The following LRFN2 variants were observed in gnomAD, a reference collection of about 807,000 sequenced individuals.
LRFN2 encodes leucine-rich repeat and fibronectin type-III domain-containing protein 2.
A neutral mutation model predicts 37.3 loss-of-function variants in LRFN2; 18 were observed. The ratio of observed to expected loss-of-function variants is 0.48; its 90% CI spans 0.33 to 0.72. The LOEUF is 0.72. Among genes scored for constraint, LRFN2 ranks in the 30% least tolerant of loss-of-function variants. LRFN2 has a pLI of 0.02. For synonymous variants in LRFN2, 556 were observed against 466.6 expected, an observed-to-expected ratio of 1.19 and a Z score of -2.47; for missense variants, 1,006 against 1,060.7, an observed-to-expected ratio of 0.95 and a Z score of 0.72.
At chr6:40,400,810 A>G (rs1762722582) in intron 2 of LRFN2, among the ~76,000 whole-genome samples, 1 of 151,620 alleles carries the variant, frequency 6.6e-6, no homozygotes, top group South Asian at 2.1e-4. Flanking sequence ...TGTTTGGGGT[A>G]TGTGATTGTG....
chr6:40,458,609 C>T (rs1318454166), intron 1 of LRFN2, among the ~76,000 whole-genome samples: 2 of 152,192 alleles, frequency 1.3e-5, no homozygotes, highest in Non-Finnish European at 2.9e-5. Context: ...TAACAGACCC[C>T]ATCCCTCCTC....
At chr6:40,552,137 T>C (rs908434820) in intron 1 of LRFN2, among the ~76,000 whole-genome samples, 34 of 152,182 alleles carry the variant, frequency 2.2e-4, no homozygotes, top group African/African-American at 8.2e-4. Context: ...GCAGCTCCAT[T>C]CTGCAAATTC....
At chr6:40,579,009 A>G (rs1767343993) in intron 1 of LRFN2, among the ~76,000 whole-genome samples, 1 of 152,224 alleles carries the variant, frequency 6.6e-6, no homozygotes, top group Admixed American at 6.5e-5. Flanking sequence ...CTCCTTAGAC[A>G]TAAACTTCCC....
intron 1 of LRFN2, among the ~76,000 whole-genome samples, chr6:40,531,762 CCTT>C (rs1286358755): frequency 2.6e-5 from 4 of 152,182 alleles, no homozygotes; most frequent in African/African-American, 9.7e-5. Flanking sequence ...ACTGCCCCCT[CCTT>C]ATCTTCTGTG....
At chr6:40,395,297 C>T (rs1263101508) in intron 2 of LRFN2, among the ~76,000 whole-genome samples, 1 of 152,238 alleles carries the variant, frequency 6.6e-6, no homozygotes, top group Non-Finnish European at 1.5e-5. Flanking sequence ...ACCTTTAACA[C>T]TAGCTTCTGG....
In LRFN2 at chr6:40,436,686, A is replaced by G. The variant is rs75791051; in HGVS notation, c.-18-3555T>C. Among the ~76,000 whole-genome samples the G allele has an allele frequency of 3.5e-4, 54 of 152,228 alleles. No individual in the cohort carries two copies. The East Asian group carries it at 9.5e-3, about 27-fold the overall frequency. ...CCCACCAGGTCACAGGTGTTGATAC[A>G]TGGAAGCTTTCCACCTGCCACCTTT... is the stretch of plus-strand genomic sequence containing the variant. On this transcript the variant is annotated intron_variant, in intron 1 of 2. Coordinates refer to ENST00000338305, the MANE Select transcript of LRFN2 (RefSeq NM_020737.3).
chr6:40,518,038 G>A (rs904493871), intron 1 of LRFN2, among the ~76,000 whole-genome samples: 8 of 152,072 alleles, frequency 5.3e-5, no homozygotes, highest in Non-Finnish European at 1.2e-4. Flanking sequence ...CCCTGTGCAC[G>A]GCTTGAACAT....
chr6:40,412,732 G>A (rs1763000185), intron 2 of LRFN2, among the ~76,000 whole-genome samples: 1 of 152,232 alleles, frequency 6.6e-6, no homozygotes, highest in Non-Finnish European at 1.5e-5. Context: ...GGGGATGGCA[G>A]TGACCCCCAC....
intron 1 of LRFN2, among the ~76,000 whole-genome samples, chr6:40,478,055 G>A (rs1038354723): frequency 1.3e-5 from 2 of 152,146 alleles, no homozygotes; most frequent in South Asian, 2.1e-4. Context: ...GCATCAGGGC[G>A]GGAAGCCACA....
At chr6:40,575,676 TGTA>T (rs1378664018) in intron 1 of LRFN2, among the ~76,000 whole-genome samples, 1 of 152,146 alleles carries the variant, frequency 6.6e-6, no homozygotes, top group African/African-American at 2.4e-5. Context: ...GAATGCCTCT[TGTA>T]GTACCATGAA....
chr6:40,527,500 TG>T (rs1179869332), intron 1 of LRFN2, among the ~76,000 whole-genome samples: 2 of 152,208 alleles, frequency 1.3e-5, no homozygotes, highest in African/African-American at 4.8e-5. Context: ...CCACAAAACC[TG>T]GATTCTTTCT....
chr6:40,571,804 C>T (rs1477760382), intron 1 of LRFN2, among the ~76,000 whole-genome samples: 19 of 152,170 alleles, frequency 1.2e-4, no homozygotes. Context: ...TTTGAGGGCC[C>T]CACAACAAGT....
intron 1 of LRFN2, among the ~76,000 whole-genome samples, chr6:40,448,942 G>A (rs575528644): frequency 9.2e-5 from 14 of 152,182 alleles, no homozygotes; most frequent in Non-Finnish European, 1.6e-4. Flanking sequence ...AGGGGTAACA[G>A]GGAAGTCAGG....
chr6:40,410,143 G>A (rs576327504), intron 2 of LRFN2, among the ~76,000 whole-genome samples: 64 of 152,160 alleles, frequency 4.2e-4, no homozygotes, highest in Admixed American at 2.2e-3. Context: ...CAACCCTGGA[G>A]TCAGCAGGAG....
At chr6:40,400,900 C>T (rs746047324) in intron 2 of LRFN2, among the ~76,000 whole-genome samples, 18 of 151,686 alleles carry the variant, frequency 1.2e-4, no homozygotes, top group Non-Finnish European at 2.4e-4. Flanking sequence ...TGAGTGTGTG[C>T]CAGAGTGTAG....
chr6:40,504,136 G>T (rs577200964), intron 1 of LRFN2, among the ~76,000 whole-genome samples: 1 of 152,152 alleles, frequency 6.6e-6, no homozygotes, highest in Non-Finnish European at 1.5e-5. Context: ...GAAGAGACCC[G>T]CCCAGAACCA....
At chr6:40,397,509 A>G (rs1411741725) in intron 2 of LRFN2, among the ~76,000 whole-genome samples, 1 of 152,164 alleles carries the variant, frequency 6.6e-6, no homozygotes, top group Non-Finnish European at 1.5e-5. Context: ...AGTACTAACT[A>G]TGGTCTACAA....
chr6:40,408,607 C>T (rs1341306109), intron 2 of LRFN2, among the ~76,000 whole-genome samples: 1 of 152,220 alleles, frequency 6.6e-6, no homozygotes, highest in Admixed American at 6.5e-5. Flanking sequence ...GGGTTCAAAT[C>T]CTGCTCTAGC....
At chr6:40,404,268 T>C (rs1341070126) in intron 2 of LRFN2, among the ~76,000 whole-genome samples, 5 of 152,222 alleles carry the variant, frequency 3.3e-5, no homozygotes, top group South Asian at 4.1e-4. Flanking sequence ...GGTCAGAGTT[T>C]GTTTGGGTTG....
Sources: gnomAD v4.1 joint callset for allele counts (sites outside exome capture counted in the v4.1 genomes callset) on GRCh38, gnomAD v4.1.1 for gene constraint, MANE v1.5 for transcripts, NCBI Gene and HGNC (gene_info 2026-07-23, HGNC 2026-07-21) for gene names.